SHTN1: variants seen among roughly 807,000 people sequenced by gnomAD.
The protein encoded by SHTN1 is shootin 1, also known as shootin-1.
In SHTN1, 42 loss-of-function variants were observed where a neutral mutation model predicts 83.1. The ratio of observed to expected loss-of-function variants is 0.51; its 90% confidence interval spans 0.39 to 0.65. The LOEUF (loss-of-function observed/expected upper bound fraction) is 0.65. SHTN1 is among the 30% of genes least tolerant of loss of function. The probability of loss-of-function intolerance (pLI) is 0.00; values close to 1 mark genes in which losing one functional copy is unlikely to be tolerated. For synonymous variants in SHTN1, 224 were observed against 247.7 expected, an observed-to-expected ratio of 0.90 and a Z score of 0.90; for missense variants, 622 against 737.8, an observed-to-expected ratio of 0.84 and a Z score of 1.82.
intron 16 of SHTN1, chr10:116,900,873 AG>A (rs1446710262): frequency 1.0e-6 from 1 of 985,224 alleles, no homozygotes; most frequent in African/African-American, 1.7e-5. Context: ...AAAAGTTAAT[AG>A]TAGCAATGAG....
intron 1 of SHTN1, among the ~76,000 whole-genome samples, chr10:117,120,998 C>T (rs1279214147): frequency 6.6e-6 from 1 of 151,932 alleles, no homozygotes; most frequent in African/African-American, 2.4e-5. Flanking sequence ...TTAGGAGAGA[C>T]GGGGTTTCCC....
At chr10:116,918,526 C>G (rs183259325) in intron 12 of SHTN1, among the ~76,000 whole-genome samples, 7 of 152,074 alleles carry the variant, frequency 4.6e-5, no homozygotes, top group African/African-American at 1.7e-4. Context: ...ACATTATAGT[C>G]GAATTAAGTT....
At chr10:116,951,204 T>G (rs1424427465) in intron 6 of SHTN1, among the ~76,000 whole-genome samples, 1 of 152,162 alleles carries the variant, frequency 6.6e-6, no homozygotes, top group Non-Finnish European at 1.5e-5. Flanking sequence ...GGGAAGATCA[T>G]TCAAGTCCAG....
At chr10:117,094,332 T>C (rs1458510818) in intron 1 of SHTN1, among the ~76,000 whole-genome samples, 3 of 152,216 alleles carry the variant, frequency 2.0e-5, no homozygotes, top group Non-Finnish European at 4.4e-5. Context: ...ATCAGCACTG[T>C]AGGAAGATCT....
intron 1 of SHTN1, among the ~76,000 whole-genome samples, chr10:117,097,000 C>G (rs767690686): frequency 2.0e-5 from 3 of 148,392 alleles, no homozygotes; most frequent in East Asian, 2.0e-4. Flanking sequence ...AACACCCAAG[C>G]GCGCACGCGC....
rs1849894835 is a variant in SHTN1, at chr10:116,954,263, G to A, written c.268-53C>T. 2.4e-6 allele frequency: 3 copies of A among 1,233,908 alleles called. No homozygotes were observed. In the South Asian group the frequency reaches 4.5e-5, roughly 18 times the overall value. 76.4% of individuals were successfully genotyped at this position (1,233,908 alleles called of 1,614,324 possible). A position where few individuals can be genotyped will look rare whatever the true frequency, so the allele number is the denominator to read the frequency against. Reference sequence around the variant, plus strand: ...TTAAAAGCAGCCAAATGAGTATCTTGGATTTTTAAACAATAGACAAATTAA... The same window carrying A: ...TTAAAAGCAGCCAAATGAGTATCTTAGATTTTTAAACAATAGACAAATTAA... On this transcript the variant is annotated intron_variant, in intron 4 of 16. Coordinates refer to ENST00000355371, the MANE Select transcript of SHTN1 (RefSeq NM_001127211.3).
intron 16 of SHTN1, among the ~76,000 whole-genome samples, chr10:116,897,658 T>C (rs1847571199): frequency 6.6e-6 from 1 of 152,232 alleles, no homozygotes; most frequent in South Asian, 2.1e-4. Flanking sequence ...CTATATGATC[T>C]AATTTACATG....
intron 4 of SHTN1, among the ~76,000 whole-genome samples, chr10:116,955,664 T>C (rs915129681): frequency 6.6e-6 from 1 of 152,162 alleles, no homozygotes; most frequent in Non-Finnish European, 1.5e-5. Context: ...GGAGATCTGA[T>C]TTCTACCCCA....
At chr10:116,902,028 G>C in intron 15 of SHTN1, 71 bp from the exon 16 acceptor site, 1 of 1,336,916 alleles carries the variant, frequency 7.5e-7, no homozygotes, top group Admixed American at 3.1e-5. Flanking sequence ...CTGAAAAACA[G>C]ATTAGCTGAA....
chr10:117,018,568 A>ATTTTT (rs36032476), intron 2 of SHTN1, among the ~76,000 whole-genome samples: 2 of 31,362 alleles, frequency 6.4e-5, no homozygotes, highest in African/African-American at 1.1e-4. Context: ...TGCTCTCACC[A>ATTTTT]TTTTTTTTTT....
intron 2 of SHTN1, among the ~76,000 whole-genome samples, chr10:117,033,579 A>G (rs1852451760): frequency 6.6e-6 from 1 of 152,186 alleles, no homozygotes; most frequent in African/African-American, 2.4e-5. Context: ...TGTTGGCTTC[A>G]CTGCTGAATT....
chr10:116,987,462 T>TA (rs1357223305), intron 1 of SHTN1, among the ~76,000 whole-genome samples: 5 of 152,130 alleles, frequency 3.3e-5, no homozygotes, highest in Non-Finnish European at 5.9e-5. Flanking sequence ...TGTTAAGAAT[T>TA]AGTTGGTGCT....
chr10:117,006,565 CAAAAA>C (rs35193104), upstream of SHTN1, among the ~76,000 whole-genome samples: 3 of 92,654 alleles, frequency 3.2e-5, no homozygotes, highest in African/African-American at 4.2e-5. Context: ...GACTCCGTCT[CAAAAA>C]AAAAAAAAAA....
intron 2 of SHTN1, among the ~76,000 whole-genome samples, chr10:116,969,815 T>C (rs1001682560): frequency 2.6e-5 from 4 of 152,182 alleles, no homozygotes; most frequent in African/African-American, 9.6e-5. Context: ...ATTCAGTATA[T>C]CTTGAATTTC....
intron 2 of SHTN1, among the ~76,000 whole-genome samples, chr10:117,035,560 T>C (rs1188676579): frequency 2.0e-5 from 3 of 151,638 alleles, no homozygotes; most frequent in African/African-American, 7.3e-5. Flanking sequence ...TGGGAGAAAA[T>C]ATTTGCAAAC....
At chr10:116,900,838 A>C (rs1847704020) in intron 16 of SHTN1, 1 of 985,388 alleles carries the variant, frequency 1.0e-6, no homozygotes, top group Non-Finnish European at 1.2e-6. Flanking sequence ...TCAGCAAAGA[A>C]GGCCATTCAT....
intron 1 of SHTN1, among the ~76,000 whole-genome samples, chr10:117,074,409 C>T (rs1188606682): frequency 6.6e-6 from 1 of 152,128 alleles, no homozygotes; most frequent in Non-Finnish European, 1.5e-5. Flanking sequence ...AGTAAGAGAT[C>T]CAGCAGAGAT....
At chr10:117,092,653 A>C (rs1271529384) in intron 1 of SHTN1, among the ~76,000 whole-genome samples, 2 of 152,200 alleles carry the variant, frequency 1.3e-5, no homozygotes, top group African/African-American at 4.8e-5. Flanking sequence ...GGTCACTGAG[A>C]GAAAAGCTGC....
chr10:116,944,548 A>T (rs539642817), intron 8 of SHTN1, among the ~76,000 whole-genome samples: 1 of 152,232 alleles, frequency 6.6e-6, no homozygotes, highest in East Asian at 1.9e-4. Flanking sequence ...TTCTTATTCA[A>T]CCTCAAGAAT....
Sources: gnomAD v4.1 joint callset for allele counts (sites outside exome capture counted in the v4.1 genomes callset) on GRCh38, gnomAD v4.1.1 for gene constraint, MANE v1.5 for transcripts, NCBI Gene and HGNC (gene_info 2026-07-23, HGNC 2026-07-21) for gene names.